DAB1: variants seen among roughly 807,000 people sequenced by gnomAD.
The protein encoded by DAB1 is DAB adaptor protein 1.
DAB1 carries 15 observed loss-of-function variants against 64.6 expected under a neutral mutation model. The ratio of observed to expected loss-of-function variants is 0.23; its 90% CI spans 0.16 to 0.36. The LOEUF (loss-of-function observed/expected upper bound fraction) is 0.36. Among genes scored for constraint, DAB1 ranks in the 10% least tolerant of loss-of-function variants. DAB1 has a pLI of 1.00. For missense variants in DAB1, 596 were observed against 706.7 expected (o/e 0.84, Z 1.78); for synonymous variants, 235 against 251.9 (o/e 0.93, Z 0.64).
chr1:58,125,913 G>T (rs1653045129), intron 5 of DAB1, among the ~76,000 whole-genome samples: 1 of 152,058 alleles, frequency 6.6e-6, no homozygotes, highest in Non-Finnish European at 1.5e-5. Context: ...GGGTGGAGGG[G>T]GTCAGTAAAC....
chr1:57,251,991 G>GAAAC (rs532372958), intron 2 of DAB1, among the ~76,000 whole-genome samples: 68 of 152,346 alleles, frequency 4.5e-4, no homozygotes, highest in Middle Eastern at 3.4e-3. Context: ...AGATGAAAGT[G>GAAAC]AAACACACCT....
intron 3 of DAB1, among the ~76,000 whole-genome samples, chr1:58,354,562 T>C (rs1453169321): frequency 6.6e-6 from 1 of 152,134 alleles, no homozygotes; most frequent in East Asian, 1.9e-4. Flanking sequence ...ATGCAAATAT[T>C]GGTCTTTTCT....
At chr1:57,790,657 A>G (rs1650551659) in intron 6 of DAB1, among the ~76,000 whole-genome samples, 1 of 152,176 alleles carries the variant, frequency 6.6e-6, no homozygotes, top group Non-Finnish European at 1.5e-5. Context: ...CTGGTATCAG[A>G]TGGGAGGTGT....
At chr1:58,359,054 G>A (rs115236877) in intron 3 of DAB1, among the ~76,000 whole-genome samples, 1,842 of 151,464 alleles carry the variant, frequency 0.012, 37 homozygotes, top group African/African-American at 0.043. Flanking sequence ...AAAACACTTG[G>A]GTAGGGTAGA....
At chr1:57,947,563 T>G (rs1645202358) in intron 5 of DAB1, among the ~76,000 whole-genome samples, 1 of 152,004 alleles carries the variant, frequency 6.6e-6, no homozygotes, top group African/African-American at 2.4e-5. Context: ...TTGCCAAACG[T>G]CCCGTGGAAA....
chr1:57,528,643 C>T (rs898982092), intron 7 of DAB1, among the ~76,000 whole-genome samples: 1 of 96,162 alleles, frequency 1.0e-5, no homozygotes, highest in Non-Finnish European at 2.6e-5. Context: ...GCAGGACACA[C>T]ACACACACAC....
chr1:57,239,312 C>CACTT (rs1212738337), intron 2 of DAB1, among the ~76,000 whole-genome samples: 3 of 152,328 alleles, frequency 2.0e-5, no homozygotes, highest in African/African-American at 7.2e-5. Context: ...GTCTTCCCAG[C>CACTT]ACTTACTGCT....
At chr1:57,653,889 G>A (rs1396402915) in intron 6 of DAB1, among the ~76,000 whole-genome samples, 1 of 152,160 alleles carries the variant, frequency 6.6e-6, no homozygotes, top group East Asian at 1.9e-4. Context: ...GGGATTACAG[G>A]CCTGAGCCAC....
intron 3 of DAB1, among the ~76,000 whole-genome samples, chr1:58,358,596 CAG>C (rs1431721454): frequency 6.6e-6 from 1 of 152,114 alleles, no homozygotes; most frequent in East Asian, 1.9e-4. Flanking sequence ...AGAAAAGAAA[CAG>C]AAGGTGGGGA....
intron 2 of DAB1, among the ~76,000 whole-genome samples, chr1:57,145,812 T>A (rs191664681): frequency 6.6e-6 from 1 of 152,328 alleles, no homozygotes. Flanking sequence ...GAAATTGTTG[T>A]TAGAATAATA....
chr1:57,635,977 G>T (rs567269873), intron 7 of DAB1, among the ~76,000 whole-genome samples: 1 of 151,892 alleles, frequency 6.6e-6, no homozygotes, highest in Admixed American at 6.6e-5. Context: ...GGCGCCTGTA[G>T]TCCCAACTAC....
chr1:57,635,415 C>T (rs971932139), intron 7 of DAB1, among the ~76,000 whole-genome samples: 2 of 152,024 alleles, frequency 1.3e-5, no homozygotes, highest in African/African-American at 4.8e-5. Flanking sequence ...GCCTGAGCTC[C>T]GCCTCCTATC....
At chr1:57,831,363 C>T (rs908813826) in intron 1 of DAB1, among the ~76,000 whole-genome samples, 4 of 152,006 alleles carry the variant, frequency 2.6e-5, no homozygotes, top group African/African-American at 9.7e-5. Flanking sequence ...GAGGGTACTT[C>T]CATAATAAAT....
At chr1:57,332,172 C>A (rs1272034585) in intron 1 of DAB1, among the ~76,000 whole-genome samples, 1 of 152,180 alleles carries the variant, frequency 6.6e-6, no homozygotes, top group East Asian at 1.9e-4. Flanking sequence ...CCGTGTTGGC[C>A]AGGTGGGTCT....
At chr1:57,345,070 T>C (rs1286046614) in intron 1 of DAB1, among the ~76,000 whole-genome samples, 1 of 152,198 alleles carries the variant, frequency 6.6e-6, no homozygotes, top group Non-Finnish European at 1.5e-5. Context: ...CTTAGAGCCC[T>C]ATCTTCAGGA....
intron 11 of DAB1, among the ~76,000 whole-genome samples, chr1:57,018,798 C>T (rs541510010): frequency 1.3e-5 from 2 of 152,320 alleles, no homozygotes; most frequent in South Asian, 2.1e-4. Flanking sequence ...CTTGGCTATG[C>T]GTCCTTGGGG....
intron 7 of DAB1, among the ~76,000 whole-genome samples, chr1:57,617,960 T>C (rs142861180): frequency 3.7e-4 from 56 of 152,268 alleles, no homozygotes; most frequent in Non-Finnish European, 7.5e-4. Context: ...TTCCTGCTGC[T>C]TACAAATAAG....
chr1:58,414,029 A>G (rs1167946821), intron 3 of DAB1, among the ~76,000 whole-genome samples: 2 of 152,216 alleles, frequency 1.3e-5, no homozygotes, highest in Non-Finnish European at 2.9e-5. Flanking sequence ...ACTGAATACT[A>G]TAGGCAATTG....
At chr1:57,403,758 T>C (rs17115750) in intron 1 of DAB1, among the ~76,000 whole-genome samples, 59,519 of 152,058 alleles carry the variant, frequency 0.39, 12,258 homozygotes, top group Non-Finnish European at 0.47. Flanking sequence ...TGAACCAGAA[T>C]GATATAAGCC....
Sources: gnomAD v4.1 joint callset for allele counts (sites outside exome capture counted in the v4.1 genomes callset) on GRCh38, gnomAD v4.1.1 for gene constraint, MANE v1.5 for transcripts, NCBI Gene and HGNC (gene_info 2026-07-23, HGNC 2026-07-21) for gene names.